CSF2RA: variants seen among roughly 807,000 people sequenced by gnomAD.
CSF2RA encodes colony stimulating factor 2 receptor subunit alpha.
Under a neutral mutation model 51.6 loss-of-function variants are expected in CSF2RA, and 42 were observed. The ratio of observed to expected loss-of-function variants is 0.81; its 90% confidence interval spans 0.64 to 1.05. The LOEUF (loss-of-function observed/expected upper bound fraction) is 1.05, where lower values mean the gene tolerates loss of function less well. CSF2RA is among the 50% of genes least tolerant of loss of function. The probability of loss-of-function intolerance (pLI) is 0.00; values close to 1 mark genes in which losing one functional copy is unlikely to be tolerated. For synonymous variants in CSF2RA, 222 were observed against 193.0 expected (o/e 1.15, Z -1.24); for missense variants, 530 against 501.1 (o/e 1.06, Z -0.55).
the CSF2RA span, among the ~76,000 whole-genome samples, chrX:1,323,158 T>TATAAAATAAAATAAAATAAAATAATAAA: frequency 7.5e-6 from 1 of 133,956 alleles, no homozygotes; most frequent in East Asian, 2.1e-4. Context: ...ACATTACAAT[T>TATAAAATAAAATAAAATAAAATAATAAA]ATAAAATAAA....
chrX:1,305,549 AGTGACCTGGGATGGAAG>A (rs1272992910), intron 12 of CSF2RA, 22 bp downstream of exon 12: 1 of 1,613,968 alleles, frequency 6.2e-7, no homozygotes, highest in East Asian at 2.2e-5. Flanking sequence ...TGGGCGGAGC[AGTGACCTGGGATGGAAG>A]GTGGGGAGTG....
intron 9 of CSF2RA, among the ~76,000 whole-genome samples, chrX:1,299,224 C>T (rs182824209): frequency 6.6e-6 from 1 of 152,246 alleles, no homozygotes; most frequent in East Asian, 1.9e-4. Flanking sequence ...TAGTGACTGT[C>T]TAAGGAGATT....
intron 12 of CSF2RA, chrX:1,305,884 C>G: frequency 8.5e-7 from 1 of 1,175,492 alleles, no homozygotes; most frequent in East Asian, 2.6e-5. Flanking sequence ...GGTTCGAGAC[C>G]AGCCTGGCCA....
intron 4 of CSF2RA, among the ~76,000 whole-genome samples, chrX:1,287,761 G>C (rs1434450581): frequency 8.2e-6 from 1 of 121,510 alleles, no homozygotes; most frequent in South Asian, 2.7e-4. Context: ...TGGGGGGATG[G>C]AGTCTCTGTC....
At chrX:1,302,607 C>T (rs377349419) in intron 10 of CSF2RA, among the ~76,000 whole-genome samples, 27 of 152,100 alleles carry the variant, frequency 1.8e-4, no homozygotes, top group African/African-American at 6.3e-4. Flanking sequence ...TGGGTTCAAG[C>T]GATTCTCCTG....
At chrX:1,288,471 G>C (rs1270152990) in intron 4 of CSF2RA, 48 bp from the exon 5 acceptor site, 8 of 1,613,388 alleles carry the variant, frequency 5.0e-6, no homozygotes, top group Non-Finnish European at 6.8e-6. Context: ...GACTGTAGGA[G>C]ACAGAAGGTT....
chrX:1,314,563 A>ACCCCAC (rs2084414995), downstream of CSF2RA, among the ~76,000 whole-genome samples: 3 of 80,798 alleles, frequency 3.7e-5, no homozygotes, highest in Admixed American at 1.2e-4. Flanking sequence ...CACCTGCCCA[A>ACCCCAC]TCCCACTGCA....
intron 3 of CSF2RA, among the ~76,000 whole-genome samples, chrX:1,284,036 A>G (rs1224796134): frequency 6.6e-6 from 1 of 152,016 alleles, no homozygotes; most frequent in Non-Finnish European, 1.5e-5. Context: ...GGGAAGACAG[A>G]CAAAGACAGC....
chrX:1,322,922 G>A, the CSF2RA span, among the ~76,000 whole-genome samples: 1 of 151,164 alleles, frequency 6.6e-6, no homozygotes, highest in African/African-American at 2.4e-5. Flanking sequence ...GAGGTCAGGA[G>A]ATCGAGACCA....
chrX:1,310,777 T>C (rs750672646), downstream of CSF2RA, among the ~76,000 whole-genome samples: 14 of 152,150 alleles, frequency 9.2e-5, no homozygotes, highest in South Asian at 1.0e-3. Flanking sequence ...TGATATAGTT[T>C]GGTTGTTTGT....
intron 8 of CSF2RA, 145 bp from the exon 9 acceptor site, chrX:1,295,282 G>A: frequency 1.0e-6 from 1 of 957,298 alleles, no homozygotes. Flanking sequence ...GTAGATTCGG[G>A]GTTTGTGGAG....
downstream of CSF2RA, among the ~76,000 whole-genome samples, chrX:1,313,599 C>CA (rs2084278827): frequency 1.3e-5 from 2 of 150,878 alleles, no homozygotes; most frequent in African/African-American, 4.9e-5. Flanking sequence ...ATAATCCCAG[C>CA]TACTTGGGAG....
downstream of CSF2RA, among the ~76,000 whole-genome samples, chrX:1,311,454 A>ATTTT (rs2084181626): frequency 6.7e-6 from 1 of 149,666 alleles, no homozygotes; most frequent in Non-Finnish European, 1.5e-5. Flanking sequence ...TTTTTTTTTA[A>ATTTT]GTTGGAGTCT....
chrX:1,287,116 G>A (rs189308337), intron 4 of CSF2RA: 3 of 151,506 alleles, frequency 2.0e-5, no homozygotes, highest in South Asian at 2.1e-4. Flanking sequence ...GGAGGGATGG[G>A]TGGTCTTGCT....
chrX:1,303,840 A>G (rs2083264504), intron 10 of CSF2RA, 83 bp from the exon 11 acceptor site: 4 of 1,196,760 alleles, frequency 3.3e-6, no homozygotes, highest in African/African-American at 3.0e-5. Flanking sequence ...GGCTAAATGC[A>G]TTTGGACACC....
downstream of CSF2RA, among the ~76,000 whole-genome samples, chrX:1,314,285 T>TGCACCTGCCTAACCACACA (rs1569514736): frequency 4.1e-5 from 2 of 48,314 alleles, 1 homozygote; most frequent in East Asian, 1.7e-3. Context: ...CCAACCCCAC[T>TGCACCTGCCTAACCACACA]GCATCTGCCC....
intron 6 of CSF2RA, among the ~76,000 whole-genome samples, chrX:1,290,073 TTG>T (rs2091244532): frequency 6.6e-6 from 1 of 151,838 alleles, no homozygotes; most frequent in Admixed American, 6.6e-5. Flanking sequence ...TGTTTTTGAT[TTG>T]TGTTTTTGTG....
At chrX:1,296,251 C>G (rs1470147980) in intron 9 of CSF2RA, among the ~76,000 whole-genome samples, 2 of 150,434 alleles carry the variant, frequency 1.3e-5, no homozygotes, top group East Asian at 4.0e-4. Flanking sequence ...ACTCACAACC[C>G]CTAGTGTAAC....
Position 1,307,740 on chromosome X carries a change from C to T in CSF2RA, c.1126-1662C>T, listed in dbSNP as rs73618055. Among the ~76,000 whole-genome samples the T allele has an allele frequency of 4.5e-4, 58 of 128,376 alleles. 2 individuals carry two copies. The highest frequency in any genetic ancestry group is 1.5e-3 in the African/African-American group (56 of 37,624). The allele number at this position is 128,376 out of a possible 152,430, so 84.2% of individuals were successfully genotyped here. A position where few individuals can be genotyped will look rare whatever the true frequency, so the allele number is the denominator to read the frequency against. The stretch of plus-strand genomic sequence containing the variant: ...TACCTTCGACTGATTAGATGAGGCC[C>T]GTCCTTCCCCCATTTAGATCTTCAA... On this transcript the variant is annotated intron_variant, in intron 12 of 12. Coordinates refer to ENST00000381529, the MANE Select transcript of CSF2RA (RefSeq NM_172245.4).
Sources: allele counts gnomAD v4.1 joint callset (sites outside exome capture counted in the v4.1 genomes callset), GRCh38; gene constraint gnomAD v4.1.1; transcripts MANE v1.5; gene names NCBI Gene and HGNC (gene_info 2026-07-23, HGNC 2026-07-21).